Variants in CD82 observed in about 807,000 individuals in gnomAD.
CD82 encodes the protein CD82 antigen.
CD82 carries 36 observed loss-of-function variants against 37.4 expected under a neutral mutation model. That is an observed-to-expected ratio of 0.96 (90% CI 0.74 to 1.27). The LOEUF (loss-of-function observed/expected upper bound fraction) is 1.27. Ranked by LOEUF, CD82 falls within the 50% of genes most tolerant of loss-of-function variation. The pLI is 0.00. For missense variants in CD82, 340 were observed against 347.0 expected, an observed-to-expected ratio of 0.98 and a Z score of 0.16; for synonymous variants, 158 against 137.4, an observed-to-expected ratio of 1.15 and a Z score of -1.05.
At chr11:44,574,726 C>G (rs542022876) in intron 1 of CD82, among the ~76,000 whole-genome samples, 44 of 152,238 alleles carry the variant, frequency 2.9e-4, no homozygotes, top group Admixed American at 2.0e-3. Flanking sequence ...CACACACATA[C>G]AAGATTGGGA....
chr11:44,604,983 A>C lies in CD82; in HGVS notation c.137-75A>C, dbSNP rs1293834780. On this transcript the variant is annotated intron_variant, in intron 4 of 9. Transcript: ENST00000227155. The stretch of plus-strand genomic sequence containing the variant: ...CCCTGGCTCCAAAGAGGGGATCCGG[A>C]AGAAGACCTGGACGGTTAGGCCAGG... The C allele has an allele frequency of 5.6e-6, 9 of 1,606,502 alleles. No homozygotes were observed. In the African/African-American group the frequency reaches 1.2e-4, roughly 21 times the overall value.
rs1284828253 is a variant in CD82, at chr11:44,597,181, GT to G, written c.63+2457del. On this transcript the variant is annotated intron_variant, in intron 3 of 9. Transcript: ENST00000227155. This position sits in a 1 kb window ranked among gnomAD's most constrained non-coding sequence, Gnocchi z 4.1. ...TATGTGTGCTCGCGCCTGCGTGCATGTGCACCTGTATGTCTTTGCCTGTACT... is the reference window on the plus strand; with the variant it reads ...TATGTGTGCTCGCGCCTGCGTGCATGGCACCTGTATGTCTTTGCCTGTACT... 6.6e-6 allele frequency among the ~76,000 whole-genome samples: 1 copy of G among 152,234 alleles called. No homozygotes were observed. The highest frequency in any genetic ancestry group is 2.4e-5 in the African/African-American group (1 of 41,454).
intron 4 of CD82, among the ~76,000 whole-genome samples, chr11:44,601,057 C>T (rs1413485340): frequency 2.0e-5 from 3 of 151,794 alleles, no homozygotes; most frequent in Non-Finnish European, 2.9e-5. Context: ...TCCAGGAAGC[C>T]GTCAGGGCCT....
chr11:44,585,180 C>T (rs776716352), intron 1 of CD82: 15 of 455,962 alleles, frequency 3.3e-5, no homozygotes, highest in Non-Finnish European at 5.3e-5. Flanking sequence ...TCTTCTGGCA[C>T]GGAGCCTCTC....
intron 1 of CD82, among the ~76,000 whole-genome samples, chr11:44,578,209 G>A (rs943397647): frequency 1.3e-5 from 2 of 151,692 alleles, no homozygotes; most frequent in African/African-American, 4.8e-5. Flanking sequence ...CTTTTCCTCT[G>A]GACACCCAGA....
chr11:44,564,517 GCTAGT>G (rs1175215263), upstream of CD82: 2 of 456,228 alleles, frequency 4.4e-6, no homozygotes, highest in Non-Finnish European at 8.8e-6. Context: ...TCTGCCTGAG[GCTAGT>G]CCTCTGGAGC....
At chr11:44,585,304 T>A in intron 1 of CD82, 1 of 456,298 alleles carries the variant, frequency 2.2e-6, no homozygotes. Flanking sequence ...TTGGTAACAT[T>A]TATCTGACAT....
chr11:44,591,928 T>C (rs1488673593), intron 2 of CD82, among the ~76,000 whole-genome samples: 1 of 152,162 alleles, frequency 6.6e-6, no homozygotes, highest in African/African-American at 2.4e-5. Flanking sequence ...CAAGCGATTC[T>C]TGTGCCTCAG....
intron 1 of CD82, among the ~76,000 whole-genome samples, chr11:44,570,391 C>T (rs1057042845): frequency 1.3e-5 from 2 of 152,248 alleles, no homozygotes; most frequent in African/African-American, 4.8e-5. Flanking sequence ...TGATGTGTTT[C>T]CATGAGCTCT....
At position 44,584,540 on chromosome 11, in the gene CD82, G is replaced by A. The variant is rs1439080000; in HGVS notation, c.-102-2935G>A. On this transcript the variant is annotated intron_variant, in intron 1 of 9. Coordinates refer to ENST00000227155, the MANE Select transcript of CD82 (RefSeq NM_002231.4). Reference sequence around the variant, plus strand: ...TGACCTCAGGTGATCTGCCCGCCTCGGCCTCCCAAAGTGCTGGGATTACAG... The same window carrying A: ...TGACCTCAGGTGATCTGCCCGCCTCAGCCTCCCAAAGTGCTGGGATTACAG... 7.2e-5 allele frequency among the ~76,000 whole-genome samples: 11 copies of A among 152,172 alleles called. No homozygotes were observed. The South Asian group carries it at 1.7e-3, about 23-fold the overall frequency.
chr11:44,583,473 C>G (rs144733870), intron 1 of CD82, among the ~76,000 whole-genome samples: 1 of 152,208 alleles, frequency 6.6e-6, no homozygotes, highest in Non-Finnish European at 1.5e-5. Flanking sequence ...TGGAGCTGCT[C>G]TTTTCCTTCC....
chr11:44,589,545 T>C (rs1227706573), intron 2 of CD82, among the ~76,000 whole-genome samples: 2 of 152,224 alleles, frequency 1.3e-5, no homozygotes, highest in African/African-American at 2.4e-5. Context: ...ATGATGATGA[T>C]ACAGACACCA....
At chr11:44,577,608 G>T (rs1186540610) in intron 1 of CD82, among the ~76,000 whole-genome samples, 1 of 152,224 alleles carries the variant, frequency 6.6e-6, no homozygotes, top group Non-Finnish European at 1.5e-5. Context: ...TCTCAGGCTT[G>T]TGACTTTCAG....
Position 44,605,170 on chromosome 11 carries a change from C to T in CD82, c.249C>T (p.Cys83=). Reference sequence around the variant, plus strand: ...TCGGCGCCGTCAACGAGGTCCGCTGCCTGCTGGGGCTGGTGAGTACGGATC... The same window carrying T: ...TCGGCGCCGTCAACGAGGTCCGCTGTCTGCTGGGGCTGGTGAGTACGGATC... ...GCIGAVNEVR[C]LLGLYFAFLL... Residue 83 remains cysteine (C), a synonymous_variant, in exon 5 of 10, where the codon TGC becomes TGT. Transcript: ENST00000227155. The T allele has an allele frequency of 1.2e-6, 2 of 1,614,008 alleles. No homozygotes were observed. The highest frequency in any genetic ancestry group is 1.7e-6 in the Non-Finnish European group (2 of 1,179,956).
At chr11:44,599,648 A>G (rs1853277966) in intron 3 of CD82, among the ~76,000 whole-genome samples, 1 of 152,226 alleles carries the variant, frequency 6.6e-6, no homozygotes, top group African/African-American at 2.4e-5. Context: ...AGGGTGGGAC[A>G]GTGGTTGCTG....
intron 1 of CD82, among the ~76,000 whole-genome samples, chr11:44,569,549 G>A (rs939153452): frequency 3.3e-5 from 5 of 152,078 alleles, no homozygotes; most frequent in African/African-American, 9.7e-5. Context: ...CTTGGCTCTC[G>A]GGGAGTTCTG....
chr11:44,615,420 T>C, intron 7 of CD82, 47 bp downstream of exon 7: 1 of 1,169,208 alleles, frequency 8.6e-7, no homozygotes, highest in Non-Finnish European at 1.3e-6. Context: ...TGGGTGTCCC[T>C]GCATTTGGGG....
At chr11:44,569,070 G>A (rs1480232330) in intron 1 of CD82, among the ~76,000 whole-genome samples, 3 of 152,164 alleles carry the variant, frequency 2.0e-5, no homozygotes, top group Admixed American at 6.5e-5. Context: ...GGAAGAGCCT[G>A]GACTGTTTGG....
At chr11:44,570,751 C>G (rs1407737865) in intron 1 of CD82, among the ~76,000 whole-genome samples, 1 of 152,254 alleles carries the variant, frequency 6.6e-6, no homozygotes, top group East Asian at 1.9e-4. Context: ...AACAGCATGA[C>G]TTCCTTCAGT....
Sources: allele counts gnomAD v4.1 joint callset (sites outside exome capture counted in the v4.1 genomes callset), GRCh38; gene constraint gnomAD v4.1.1; non-coding constraint Gnocchi (gnomAD v3.1); transcripts MANE v1.5; gene names NCBI Gene and HGNC (gene_info 2026-07-23, HGNC 2026-07-21).